The following KCNN2 variants were observed in gnomAD, a reference collection of about 807,000 sequenced individuals.
KCNN2 encodes the protein potassium calcium-activated channel subfamily N member 2.
KCNN2 carries 24 observed loss-of-function variants against 55.5 expected under a neutral mutation model. The observed-to-expected ratio is 0.43, with a 90% CI of 0.31 to 0.61. KCNN2 has a LOEUF of 0.61. Among genes scored for constraint, KCNN2 ranks in the 20% least tolerant of loss-of-function variants. The probability of loss-of-function intolerance (pLI) is 0.08; values close to 1 mark genes in which losing one functional copy is unlikely to be tolerated. For synonymous variants in KCNN2, 431 were observed against 336.1 expected, an observed-to-expected ratio of 1.28 and a Z score of -3.09; for missense variants, 754 against 853.6, an observed-to-expected ratio of 0.88 and a Z score of 1.45.
chr5:114,494,771 T>C (rs1748032714), intron 7 of KCNN2, among the ~76,000 whole-genome samples: 1 of 152,176 alleles, frequency 6.6e-6, no homozygotes, highest in South Asian at 2.1e-4. Flanking sequence ...GCTGTTCACA[T>C]ATTCTCAAGA....
intron 2 of KCNN2, among the ~76,000 whole-genome samples, chr5:114,307,592 CT>C (rs1202656770): frequency 6.6e-6 from 1 of 152,214 alleles, no homozygotes; most frequent in Non-Finnish European, 1.5e-5. Context: ...ACAACTCTCA[CT>C]GTGGTCTCAA....
intron 2 of KCNN2, among the ~76,000 whole-genome samples, chr5:114,243,324 T>C (rs1275116552): frequency 6.6e-6 from 1 of 152,198 alleles, no homozygotes; most frequent in Non-Finnish European, 1.5e-5. Context: ...CTTTCTGTAG[T>C]TTCAGTTACT....
At chr5:114,170,443 T>C (rs1230797580) in intron 1 of KCNN2, among the ~76,000 whole-genome samples, 4 of 152,016 alleles carry the variant, frequency 2.6e-5, no homozygotes, top group Admixed American at 2.6e-4. Context: ...TTATGCTTTG[T>C]GGTGGGGAAC....
At chr5:114,453,344 A>G (rs959672934) in intron 3 of KCNN2, among the ~76,000 whole-genome samples, 25 of 152,202 alleles carry the variant, frequency 1.6e-4, no homozygotes, top group Admixed American at 1.2e-3. Flanking sequence ...CCCAACACAC[A>G]TACACACTAC....
At chr5:114,168,549 A>G (rs1463034744) in intron 1 of KCNN2, among the ~76,000 whole-genome samples, 3 of 152,014 alleles carry the variant, frequency 2.0e-5, no homozygotes, top group African/African-American at 7.2e-5. Flanking sequence ...TTTGCAGTAA[A>G]TTTTGTTGAG....
At chr5:114,485,136 A>G (rs1324749675) in intron 5 of KCNN2, among the ~76,000 whole-genome samples, 2 of 152,186 alleles carry the variant, frequency 1.3e-5, no homozygotes, top group African/African-American at 2.4e-5. Context: ...ATCAAGTGCT[A>G]TGTTCTACAT....
intron 2 of KCNN2, among the ~76,000 whole-genome samples, chr5:114,388,485 G>C (rs558469624): frequency 6.6e-6 from 1 of 151,934 alleles, no homozygotes; most frequent in Non-Finnish European, 1.5e-5. Flanking sequence ...TTGATGTCCC[G>C]CATTTTATTC....
chr5:114,357,876 C>T (rs1757327763), upstream of KCNN2, among the ~76,000 whole-genome samples: 1 of 151,708 alleles, frequency 6.6e-6, no homozygotes, highest in Admixed American at 6.6e-5. Context: ...AATCGCCACA[C>T]TGACTTCCAC....
chr5:114,380,492 A>G (rs1758085771), intron 2 of KCNN2, among the ~76,000 whole-genome samples: 1 of 152,126 alleles, frequency 6.6e-6, no homozygotes, highest in African/African-American at 2.4e-5. Flanking sequence ...CTAACTTCTT[A>G]TCAGTGATTT....
At position 114,362,610 on chromosome 5, in the gene KCNN2, C is replaced by T; in HGVS notation, c.471C>T (p.Tyr157=). Residue 157 remains tyrosine (Y), a synonymous_variant, in exon 1 of 8, where the codon TAC becomes TAT. Coordinates refer to ENST00000673685, the MANE Select transcript of KCNN2 (RefSeq NM_021614.4). ...SAQQSASASQ[Y]HQCHSLQPAA... is the part of the protein sequence containing the mutation. ...AGCAGTCGGCGTCCGCCTCCCAGTA[C>T]CACCAGTGCCACAGCCTGCAGCCCG... 1.1e-6 allele frequency: 1 copy of T among 910,346 alleles called. No individual in the cohort carries two copies. Among genetic ancestry groups the T allele is most frequent in the Non-Finnish European group, 1.6e-6 (1 of 629,808 alleles). The allele number at this position is 910,346 out of a possible 1,614,324, so 56.4% of individuals were successfully genotyped here. A position where few individuals can be genotyped will look rare whatever the true frequency, so the allele number is the denominator to read the frequency against.
chr5:114,442,575 A>T (rs1449981757), intron 3 of KCNN2, among the ~76,000 whole-genome samples: 1 of 152,130 alleles, frequency 6.6e-6, no homozygotes, highest in East Asian at 1.9e-4. Context: ...TCCTGCCCTC[A>T]TGCAATACAT....
At chr5:114,397,725 C>T (rs1332872613) in intron 2 of KCNN2, among the ~76,000 whole-genome samples, 1 of 152,142 alleles carries the variant, frequency 6.6e-6, no homozygotes, top group Non-Finnish European at 1.5e-5. Context: ...AATAGCCATT[C>T]TAACTGGTGT....
At chr5:114,228,935 C>T (rs1754300171) in intron 2 of KCNN2, among the ~76,000 whole-genome samples, 1 of 151,960 alleles carries the variant, frequency 6.6e-6, no homozygotes, top group Non-Finnish European at 1.5e-5. Flanking sequence ...GGCATATTAT[C>T]TAATGATTCT....
intron 2 of KCNN2, among the ~76,000 whole-genome samples, chr5:114,303,219 C>T (rs1756202639): frequency 6.6e-6 from 1 of 152,230 alleles, no homozygotes; most frequent in African/African-American, 2.4e-5. Context: ...ATCAGACACT[C>T]TACTTCGCGT....
intron 2 of KCNN2, among the ~76,000 whole-genome samples, chr5:114,274,900 C>T (rs1180132202): frequency 1.3e-5 from 2 of 152,166 alleles, no homozygotes; most frequent in Non-Finnish European, 2.9e-5. Flanking sequence ...GAGAGGGCAT[C>T]CTTGTCATAT....
chr5:114,413,842 C>T (rs117532844), intron 3 of KCNN2, among the ~76,000 whole-genome samples: 9 of 152,264 alleles, frequency 5.9e-5, no homozygotes, highest in East Asian at 3.9e-4. Flanking sequence ...AATAGAGGTC[C>T]TAAGTGTTTT....
chr5:114,133,569 G>GT (rs1371049780), intron 1 of KCNN2, among the ~76,000 whole-genome samples: 1 of 152,098 alleles, frequency 6.6e-6, no homozygotes, highest in Non-Finnish European at 1.5e-5. Flanking sequence ...TGGGAGCATT[G>GT]TTTTTTGGGA....
chr5:114,062,089 A>T (rs181244576), intron 1 of KCNN2, among the ~76,000 whole-genome samples: 1 of 151,462 alleles, frequency 6.6e-6, no homozygotes, highest in Admixed American at 6.6e-5. Context: ...TTTATTTAAG[A>T]TATATGGGTT....
At chr5:114,175,865 A>T (rs1442243447) in intron 1 of KCNN2, among the ~76,000 whole-genome samples, 1 of 152,244 alleles carries the variant, frequency 6.6e-6, no homozygotes, top group South Asian at 2.1e-4. Context: ...TTTGATATTC[A>T]TAATGTTCTA....
Sources: gnomAD v4.1 joint callset for allele counts (sites outside exome capture counted in the v4.1 genomes callset) on GRCh38, gnomAD v4.1.1 for gene constraint, MANE v1.5 for transcripts, NCBI Gene and HGNC (gene_info 2026-07-23, HGNC 2026-07-21) for gene names.